Variants in UNC5D observed in about 807,000 individuals in gnomAD.
UNC5D encodes the protein unc-5 netrin receptor D, also known as netrin receptor UNC5D.
In UNC5D, 39 loss-of-function variants were observed where a neutral mutation model predicts 105.4. That is an observed-to-expected ratio of 0.37 (90% CI 0.29 to 0.48). The LOEUF is 0.48. Ranked by LOEUF, UNC5D falls within the 20% of genes least tolerant of loss-of-function variation. UNC5D has a pLI of 0.98. For synonymous variants in UNC5D, 452 were observed against 450.4 expected, an observed-to-expected ratio of 1.00 and a Z score of -0.04; for missense variants, 991 against 1,202.4, an observed-to-expected ratio of 0.82 and a Z score of 2.60.
At chr8:35,267,860 G>A (rs1196673516) in intron 1 of UNC5D, among the ~76,000 whole-genome samples, 6 of 152,182 alleles carry the variant, frequency 3.9e-5, no homozygotes, top group Admixed American at 3.9e-4. Flanking sequence ...ATTGTTCCAG[G>A]TTTGCTGACC....
intron 4 of UNC5D, among the ~76,000 whole-genome samples, chr8:35,657,082 A>ATG (rs1563637862): frequency 3.2e-4 from 9 of 28,326 alleles, no homozygotes; most frequent in African/African-American, 4.1e-4. Flanking sequence ...GTGTGTGTGT[A>ATG]TATATATATA....
chr8:35,487,593 A>ACACACACACACACACACCCCC (rs1415748793), intron 1 of UNC5D, among the ~76,000 whole-genome samples: 15 of 150,584 alleles, frequency 1.0e-4, no homozygotes, highest in African/African-American at 3.2e-4. Flanking sequence ...ACACACACAC[A>ACACACACACACACACACCCCC]CCCCACAGAC....
intron 1 of UNC5D, among the ~76,000 whole-genome samples, chr8:35,442,737 A>G (rs1207426409): frequency 1.3e-5 from 2 of 151,998 alleles, no homozygotes; most frequent in African/African-American, 4.8e-5. Context: ...CCGAGCAGAG[A>G]TAAGACAGCT....
chr8:35,722,154 G>A, intron 8 of UNC5D, 56 bp from the exon 9 acceptor site: 1 of 1,576,130 alleles, frequency 6.3e-7, no homozygotes, highest in Non-Finnish European at 8.6e-7. Flanking sequence ...ATTCCCGAGT[G>A]GTTCTTTGAC....
intron 1 of UNC5D, among the ~76,000 whole-genome samples, chr8:35,283,359 G>A (rs576833711): frequency 3.6e-4 from 55 of 152,240 alleles, no homozygotes; most frequent in Non-Finnish European, 2.1e-4. Flanking sequence ...TTATATCTGT[G>A]ATGGAAGGTG....
chr8:35,306,549 T>A (rs188372490), intron 1 of UNC5D, among the ~76,000 whole-genome samples: 1 of 152,254 alleles, frequency 6.6e-6, no homozygotes, highest in East Asian at 1.9e-4. Context: ...AGTGATATTT[T>A]GAGTGAACTT....
At chr8:35,694,593 C>G (rs1826626150) in intron 7 of UNC5D, among the ~76,000 whole-genome samples, 1 of 152,140 alleles carries the variant, frequency 6.6e-6, no homozygotes, top group South Asian at 2.1e-4. Context: ...AAAATTATAA[C>G]AGTATCTATT....
intron 1 of UNC5D, among the ~76,000 whole-genome samples, chr8:35,474,478 T>C (rs553197821): frequency 2.4e-4 from 36 of 152,336 alleles, no homozygotes; most frequent in Non-Finnish European, 4.6e-4. Flanking sequence ...AGATACGATG[T>C]ATATGATATA....
At chr8:35,604,183 G>C (rs933976437) in intron 4 of UNC5D, among the ~76,000 whole-genome samples, 3 of 152,054 alleles carry the variant, frequency 2.0e-5, no homozygotes, top group Non-Finnish European at 4.4e-5. Flanking sequence ...GGCTGGTACC[G>C]GTTGTTCCTT....
intron 1 of UNC5D, among the ~76,000 whole-genome samples, chr8:35,297,822 C>T (rs1159866964): frequency 2.6e-5 from 4 of 151,898 alleles, no homozygotes; most frequent in African/African-American, 4.8e-5. Flanking sequence ...TCCATATCTA[C>T]AGTCAGCAGG....
At chr8:35,442,997 A>C (rs1807538312) in intron 1 of UNC5D, among the ~76,000 whole-genome samples, 1 of 151,678 alleles carries the variant, frequency 6.6e-6, no homozygotes, top group South Asian at 2.1e-4. Context: ...AAAATACCAT[A>C]ATATAGGTGA....
chr8:35,377,882 T>C (rs907429857), intron 1 of UNC5D, among the ~76,000 whole-genome samples: 1 of 152,196 alleles, frequency 6.6e-6, no homozygotes, highest in Non-Finnish European at 1.5e-5. Context: ...CTGTGTTCTA[T>C]GTCCTTTATT....
intron 1 of UNC5D, among the ~76,000 whole-genome samples, chr8:35,501,128 G>C (rs927915863): frequency 2.0e-5 from 3 of 152,200 alleles, no homozygotes; most frequent in Non-Finnish European, 4.4e-5. Flanking sequence ...TGTCTGCCCA[G>C]AGAGTCAGCC....
At chr8:35,491,835 C>T (rs568991241) in intron 1 of UNC5D, among the ~76,000 whole-genome samples, 10 of 152,260 alleles carry the variant, frequency 6.6e-5, no homozygotes, top group South Asian at 2.1e-4. Context: ...TTTCCAGAAA[C>T]TGACCAGCTA....
Position 35,294,697 on chromosome 8 carries a change from C to CTT in UNC5D, c.103+58826_103+58827dup, listed in dbSNP as rs36071675. On this transcript the variant is annotated intron_variant, in intron 1 of 16. Coordinates refer to ENST00000404895, the MANE Select transcript of UNC5D (RefSeq NM_080872.4). ...ATGACCTCACAAATTTTCTTTTCTT[C>CTT]TTTTTTTTTTTTTTTTTACAATTAT... 7.6e-3 allele frequency among the ~76,000 whole-genome samples: 1,079 copies of CTT among 141,300 alleles called. 6 individuals carry two copies. Among genetic ancestry groups the CTT allele is most frequent in the Non-Finnish European group, 0.011 (752 of 65,666 alleles). The allele number at this position is 141,300 out of a possible 152,430, so 92.7% of individuals were successfully genotyped here.
chr8:35,790,216 C>G (rs2131815807), intron 16 of UNC5D, 143 bp from the exon 17 acceptor site: 1 of 844,510 alleles, frequency 1.2e-6, no homozygotes, highest in South Asian at 1.7e-5. Context: ...TTAGACTGCC[C>G]CAGACCTGCC....
At chr8:35,528,512 T>A (rs1814069249) in intron 1 of UNC5D, among the ~76,000 whole-genome samples, 1 of 146,664 alleles carries the variant, frequency 6.8e-6, no homozygotes. Context: ...AACATACGTG[T>A]GCATGTGTCT....
At chr8:35,615,036 GCC>G (rs1563594272) in intron 4 of UNC5D, among the ~76,000 whole-genome samples, 1 of 35,912 alleles carries the variant, frequency 2.8e-5, no homozygotes, top group Non-Finnish European at 4.5e-5. Flanking sequence ...ATAGTGAGGG[GCC>G]CCCCCCCCCC....
At chr8:35,761,031 G>T (rs1801508546) in intron 14 of UNC5D, among the ~76,000 whole-genome samples, 1 of 151,880 alleles carries the variant, frequency 6.6e-6, no homozygotes, top group South Asian at 2.1e-4. Context: ...TCATTCCCCT[G>T]AACACTTTTT....
Sources: allele counts gnomAD v4.1 joint callset (sites outside exome capture counted in the v4.1 genomes callset), GRCh38; gene constraint gnomAD v4.1.1; transcripts MANE v1.5; gene names NCBI Gene and HGNC (gene_info 2026-07-23, HGNC 2026-07-21).